GLIS3: variants seen among roughly 807,000 people sequenced by gnomAD.
GLIS3 encodes zinc finger protein GLIS3.
Under a neutral mutation model 78.6 loss-of-function variants are expected in GLIS3, and 53 were observed. The observed-to-expected ratio is 0.67, with a 90% CI of 0.54 to 0.85. The LOEUF is 0.85. Ranked by LOEUF, GLIS3 falls within the 40% of genes least tolerant of loss-of-function variation. GLIS3 has a pLI of 0.00. For missense variants in GLIS3, 1,703 were observed against 1,231.1 expected (o/e 1.38, Z -5.74); for synonymous variants, 684 against 509.9 (o/e 1.34, Z -4.60).
intron 2 of GLIS3, chr9:4,285,515 T>G (rs1457241225): frequency 6.6e-6 from 1 of 152,422 alleles, no homozygotes. Context: ...GCTTTGCTCT[T>G]AATTTTTCTT....
At chr9:4,013,329 C>G (rs949837550) in intron 4 of GLIS3, among the ~76,000 whole-genome samples, 21 of 152,238 alleles carry the variant, frequency 1.4e-4, no homozygotes, top group African/African-American at 4.8e-4. Flanking sequence ...CTCTGTCTTC[C>G]TTGTATATTT....
the GLIS3 span, among the ~76,000 whole-genome samples, chr9:4,404,740 G>C: frequency 1.3e-5 from 2 of 151,950 alleles, no homozygotes; most frequent in African/African-American, 4.8e-5. Flanking sequence ...TAAATTTATA[G>C]CTATAATGCC....
At chr9:3,963,824 A>C (rs183349031) in intron 4 of GLIS3, among the ~76,000 whole-genome samples, 65 of 151,982 alleles carry the variant, frequency 4.3e-4, no homozygotes, top group Admixed American at 2.9e-3. Flanking sequence ...AACTGTAAAT[A>C]AGCCCTTCGG....
chr9:3,865,737 G>GT (rs1190215398), intron 8 of GLIS3, among the ~76,000 whole-genome samples: 7 of 152,204 alleles, frequency 4.6e-5, no homozygotes, highest in Admixed American at 4.6e-4. Context: ...AGGTGGATTT[G>GT]TTTGGAATAT....
At chr9:4,340,204 G>A (rs1315415629) in intron 2 of GLIS3, among the ~76,000 whole-genome samples, 1 of 151,226 alleles carries the variant, frequency 6.6e-6, no homozygotes, top group African/African-American at 2.4e-5. Flanking sequence ...TTACCACAGG[G>A]GAACAGAGTT....
At chr9:4,261,248 T>C (rs1825498525) in intron 2 of GLIS3, among the ~76,000 whole-genome samples, 1 of 152,260 alleles carries the variant, frequency 6.6e-6, no homozygotes, top group South Asian at 2.1e-4. Flanking sequence ...AGGTGCAGAA[T>C]AAACGCTCCC....
chr9:4,134,967 C>T (rs1307869679), intron 2 of GLIS3, among the ~76,000 whole-genome samples: 1 of 152,134 alleles, frequency 6.6e-6, no homozygotes, highest in Non-Finnish European at 1.5e-5. Context: ...ACAGTGCAGT[C>T]AGCAGGTCCA....
chr9:4,275,598 A>G (rs752112923), intron 2 of GLIS3, among the ~76,000 whole-genome samples: 8 of 134,788 alleles, frequency 5.9e-5, no homozygotes, highest in Admixed American at 1.5e-4. Flanking sequence ...CATCTCTACA[A>G]AAATTAAAAA....
intron 2 of GLIS3, among the ~76,000 whole-genome samples, chr9:4,213,085 A>C (rs1159861513): frequency 6.6e-6 from 1 of 152,194 alleles, no homozygotes; most frequent in East Asian, 1.9e-4. Context: ...GCTTGCTCCT[A>C]CGTGCCATCA....
chr9:3,849,955 C>A (rs760706427), intron 9 of GLIS3, among the ~76,000 whole-genome samples: 1 of 151,884 alleles, frequency 6.6e-6, no homozygotes, highest in Non-Finnish European at 1.5e-5. Flanking sequence ...AAACTGCACA[C>A]TGGGGTTGTT....
At chr9:4,285,836 T>C (rs1827941018) in intron 2 of GLIS3, 10 of 639,620 alleles carry the variant, frequency 1.6e-5, no homozygotes, top group Non-Finnish European at 2.8e-5. Context: ...AGATGTCTCA[T>C]ACTCAGCATT....
rs519916 is a variant in GLIS3 at position 3,977,161 on chromosome 9, C to T, written c.1711-39972G>A. The stretch of plus-strand genomic sequence containing the variant: ...CTGCAGAATTCACACCACTCGATAC[C>T]GAATGCTTACAACTCCCAAGCCGGG... On this transcript the variant is annotated intron_variant, in intron 4 of 10. Transcript: ENST00000381971. This position sits in a 1 kb window ranked among gnomAD's most constrained non-coding sequence, Gnocchi z 4.1. Among the ~76,000 whole-genome samples the T allele has an allele frequency of 0.28, 41,950 of 151,938 alleles. 6,147 individuals are homozygous for T. The highest frequency in any genetic ancestry group is 0.34 in the African/African-American group (14,178 of 41,402).
intron 6 of GLIS3, among the ~76,000 whole-genome samples, chr9:3,923,068 C>CT (rs1332886817): frequency 6.6e-6 from 1 of 152,182 alleles, no homozygotes. Context: ...AAACCTAGAA[C>CT]TGATGATAGC....
At chr9:3,942,119 T>G (rs1316843179) in intron 4 of GLIS3, among the ~76,000 whole-genome samples, 1 of 152,206 alleles carries the variant, frequency 6.6e-6, no homozygotes, top group Non-Finnish European at 1.5e-5. Flanking sequence ...AAGCATAAGT[T>G]CATATTCAAA....
chr9:4,011,457 C>G (rs1047962831), intron 4 of GLIS3, among the ~76,000 whole-genome samples: 16 of 152,172 alleles, frequency 1.1e-4, no homozygotes, highest in Admixed American at 3.3e-4. Flanking sequence ...GTCTTAGGTC[C>G]TATTAGCAAG....
At chr9:3,944,928 G>A (rs1312070658) in intron 4 of GLIS3, among the ~76,000 whole-genome samples, 1 of 152,240 alleles carries the variant, frequency 6.6e-6, no homozygotes, top group Non-Finnish European at 1.5e-5. Context: ...TGGCATGTGA[G>A]AAAAGGGGGC....
chr9:4,149,399 G>A (rs1167879503), intron 2 of GLIS3, among the ~76,000 whole-genome samples: 2 of 152,202 alleles, frequency 1.3e-5, no homozygotes, highest in Non-Finnish European at 2.9e-5. Flanking sequence ...ATGGCTATGA[G>A]TTCATTCATA....
chr9:4,120,278 A>T (rs1052968939), intron 3 of GLIS3, among the ~76,000 whole-genome samples: 71 of 152,368 alleles, frequency 4.7e-4, no homozygotes, highest in South Asian at 4.1e-4. Flanking sequence ...CTCAGCTCCA[A>T]AATGCACAGT....
chr9:4,174,943 G>T (rs1816689386), intron 2 of GLIS3, among the ~76,000 whole-genome samples: 1 of 152,184 alleles, frequency 6.6e-6, no homozygotes, highest in Non-Finnish European at 1.5e-5. Flanking sequence ...GACGACGCTG[G>T]AAGTAGTGAC....
Sources: gnomAD v4.1 joint callset for allele counts (sites outside exome capture counted in the v4.1 genomes callset) on GRCh38, gnomAD v4.1.1 for gene constraint, Gnocchi (gnomAD v3.1) non-coding constraint, MANE v1.5 for transcripts, NCBI Gene and HGNC (gene_info 2026-07-23, HGNC 2026-07-21) for gene names.